Variants in CEP350 observed in about 807,000 individuals in gnomAD.
CEP350 encodes centrosomal protein 350.
Under a neutral mutation model 331.8 loss-of-function variants are expected in CEP350, and 126 were observed. The ratio of observed to expected loss-of-function variants is 0.38; its 90% CI spans 0.33 to 0.44. CEP350 has a LOEUF of 0.44. Among genes scored for constraint, CEP350 ranks in the 20% least tolerant of loss-of-function variants. The pLI, the probability that CEP350 is intolerant of heterozygous loss-of-function variation, is 1.00. For missense variants in CEP350, 3,406 were observed against 3,634.6 expected, an observed-to-expected ratio of 0.94 and a Z score of 1.62; for synonymous variants, 1,200 against 1,259.5, an observed-to-expected ratio of 0.95 and a Z score of 1.00.
At chr1:180,067,916 G>A (rs762721882) in intron 27 of CEP350, among the ~76,000 whole-genome samples, 3 of 152,142 alleles carry the variant, frequency 2.0e-5, no homozygotes, top group Admixed American at 6.5e-5. Context: ...ATAGTCATTC[G>A]CTATGGTAGA....
chr1:180,025,008 T>C (rs945283414), intron 14 of CEP350, among the ~76,000 whole-genome samples: 5 of 151,666 alleles, frequency 3.3e-5, no homozygotes, highest in African/African-American at 1.2e-4. Context: ...CACTGCAAGC[T>C]CCGCCTCCCA....
rs562737517 is a variant in CEP350 at position 180,106,306 on chromosome 1, C to G, written c.9190-4691C>G. Among the ~76,000 whole-genome samples, 12 of 152,304 alleles carry G rather than the reference C, an allele frequency of 7.9e-5. No homozygotes were observed. The East Asian group carries it at 2.1e-3, about 27-fold the overall frequency. On this transcript the variant is annotated intron_variant, in intron 37 of 37. Coordinates refer to ENST00000367607, the MANE Select transcript of CEP350 (RefSeq NM_014810.5). ...GAGTTCCTCCTGTCTCTACGTCTTT[C>G]TCATATTAAGCCTAAGTTGGCTTTC...
intron 37 of CEP350, 97 bp from the exon 38 acceptor site, chr1:180,110,900 G>T: frequency 1.0e-6 from 1 of 993,888 alleles, no homozygotes; most frequent in Non-Finnish European, 1.5e-6. Context: ...ATTTCCTTGG[G>T]CTGTATTCCT....
At chr1:180,101,310 C>T (rs890355453) in intron 37 of CEP350, among the ~76,000 whole-genome samples, 1 of 151,768 alleles carries the variant, frequency 6.6e-6, no homozygotes, top group East Asian at 1.9e-4. Context: ...CAAAATGATA[C>T]TGTCAGCTTC....
intron 4 of CEP350, among the ~76,000 whole-genome samples, chr1:179,991,699 G>GTA (rs1653094285): frequency 7.6e-6 from 1 of 131,968 alleles, no homozygotes; most frequent in African/African-American, 2.8e-5. Flanking sequence ...GTGTGTGTGT[G>GTA]TGTGTGTGTA....
At position 179,996,589 on chromosome 1, in the gene CEP350, C is replaced by G; in HGVS notation, c.432C>G (p.Ser144Arg). ...GTGCACCTTCCAATTTCAGTTCCAG[C>G]CATCTGGAATCAAAGCACGTATACT... ...IHGAPSNFSS[S>R]HLESKHVYCV... is the part of the protein sequence containing the mutation. The change falls in exon 6 of 38, where the codon AGC becomes AGG. Residue 144 changes from serine to arginine, a missense_variant. Ser to Arg is a moderately radical substitution (Grantham distance 110, BLOSUM62 -1). Around this residue, in one of 5 missense-constraint regions of CEP350, gnomAD observed 1,857 missense variants for 1,909.2 expected, o/e 0.97. Coordinates refer to ENST00000367607, the MANE Select transcript of CEP350 (RefSeq NM_014810.5). 6.3e-7 allele frequency: 1 copy of G among 1,582,844 alleles called. No homozygotes were observed. The highest frequency in any genetic ancestry group is 8.6e-7 in the Non-Finnish European group (1 of 1,162,794).
chr1:179,996,091 T>A (rs2501614), intron 5 of CEP350, among the ~76,000 whole-genome samples: 2 of 151,984 alleles, frequency 1.3e-5, no homozygotes, highest in South Asian at 2.1e-4. Context: ...CATATCTTTT[T>A]CATATTTCTT....
intron 25 of CEP350, among the ~76,000 whole-genome samples, chr1:180,060,022 T>G (rs373894059): frequency 6.6e-6 from 1 of 152,156 alleles, no homozygotes; most frequent in African/African-American, 2.4e-5. Context: ...TTTGCAAAAC[T>G]CTAAAATATC....
At chr1:180,085,092 C>CTTCCCCTTCCCCT (rs1553265158) in intron 31 of CEP350, among the ~76,000 whole-genome samples, 1 of 149,586 alleles carries the variant, frequency 6.7e-6, no homozygotes, top group Admixed American at 6.7e-5. Flanking sequence ...TTCTTTCCTC[C>CTTCCCCTTCCCCT]TTCCCCTTCC....
rs1242595060 is a variant in CEP350 at position 180,053,884 on chromosome 1, C to G, written c.5124C>G (p.Ala1708=). ...CACTCCTGCGTCTCCGTGAAAAGGC[C>G]TTGAAGGAGAAGACTAAGGCTGAAT... The part of the protein sequence containing the change: ...QSSLLRLREK[A]LKEKTKAELA... The change falls in exon 24 of 38, where the codon GCC becomes GCG. Residue 1708 remains alanine (A), a synonymous_variant. Transcript: ENST00000367607. The G allele has an allele frequency of 2.5e-6, 4 of 1,610,530 alleles. No individual in the cohort carries two copies. Among genetic ancestry groups the G allele is most frequent in the Non-Finnish European group, 3.4e-6 (4 of 1,177,836 alleles).
chr1:180,112,604 CT>C lies in CEP350; in HGVS notation c.*1444del, dbSNP rs149770357. On this transcript the variant is annotated 3_prime_UTR_variant, in exon 38 of 38. Transcript: ENST00000367607. ...CAAGTAATCTAGAAGAATGTGGATA[CT>C]CTTAGGCGTGAATGTAAATGCCTTA... 4,577 of 152,708 alleles carry C rather than the reference CT, an allele frequency of 0.03. 121 individuals carry two copies. Among genetic ancestry groups the C allele is most frequent in the South Asian group, 0.071 (342 of 4,824 alleles). 9.5% of individuals were successfully genotyped at this position (152,708 alleles called of 1,614,324 possible).
Position 180,020,991 on chromosome 1 carries a change from T to C in CEP350, c.3217T>C (p.Tyr1073His). ...CGTCATTAATATTTTTACAAAATCCTATCAGTTATATGGAAAAGGTGAGAA... is the reference window on the plus strand; with the variant it reads ...CGTCATTAATATTTTTACAAAATCCCATCAGTTATATGGAAAAGGTGAGAA... ...HSVINIFTKS[Y>H]QLYGKGFEDK... The change falls in exon 12 of 38, where the codon TAT becomes CAT. Residue 1073 changes from tyrosine (Y) to histidine (H), a missense_variant. This residue lies in a region of CEP350 where 1,857 missense variants were observed against 1,909.2 expected (regional missense o/e 0.97). Coordinates refer to ENST00000367607, the MANE Select transcript of CEP350 (RefSeq NM_014810.5). 6.5e-7 allele frequency: 1 copy of C among 1,544,704 alleles called. No individual in the cohort carries two copies. The highest frequency in any genetic ancestry group is 8.7e-7 in the Non-Finnish European group (1 of 1,152,548).
chr1:179,990,286 T>C (rs1019302093), intron 3 of CEP350, among the ~76,000 whole-genome samples: 1 of 152,228 alleles, frequency 6.6e-6, no homozygotes, highest in Non-Finnish European at 1.5e-5. Flanking sequence ...TTCAGAATCT[T>C]ACTGATTTTC....
At position 179,982,997 on chromosome 1, in the gene CEP350, G is replaced by A. The variant is rs147251133; in HGVS notation, c.-13-3172G>A. ...GTAGAGACAGAGTTTCACTGTGTTG[G>A]CCAGGATGGTCTTGATCTCTTGACC... On this transcript the variant is annotated intron_variant, in intron 1 of 37. Transcript: ENST00000367607. Among the ~76,000 whole-genome samples the A allele has an allele frequency of 3.7e-3, 565 of 151,902 alleles. 4 individuals carry two copies. Among genetic ancestry groups the A allele is most frequent in the Non-Finnish European group, 4.4e-3 (298 of 67,954 alleles).
At chr1:179,965,615 CTTTTTTTTTTTT>C (rs747027286) in intron 1 of CEP350, among the ~76,000 whole-genome samples, 1 of 84,420 alleles carries the variant, frequency 1.2e-5, no homozygotes, top group South Asian at 4.2e-4. Context: ...TTTTTCTTTT[CTTTTTTTTTTTT>C]TTTTTTTTTT....
intron 37 of CEP350, among the ~76,000 whole-genome samples, chr1:180,105,010 T>G (rs1175175296): frequency 3.3e-5 from 5 of 152,128 alleles, no homozygotes; most frequent in African/African-American, 1.2e-4. Context: ...CAATTTTCCC[T>G]TTACAATAAA....
At chr1:179,989,487 A>AC (rs1652895331) in intron 3 of CEP350, among the ~76,000 whole-genome samples, 1 of 151,494 alleles carries the variant, frequency 6.6e-6, no homozygotes, top group Non-Finnish European at 1.5e-5. Flanking sequence ...TGTCTCAAAA[A>AC]AAAAAAAAAA....
chr1:179,972,210 T>C (rs1651499279), intron 1 of CEP350, among the ~76,000 whole-genome samples: 1 of 152,132 alleles, frequency 6.6e-6, no homozygotes, highest in East Asian at 1.9e-4. Flanking sequence ...TTGGTAGTCA[T>C]TGGCATGTAG....
At chr1:179,987,460 T>C (rs1652716890) in intron 3 of CEP350, among the ~76,000 whole-genome samples, 174 bp downstream of exon 3, 1 of 147,890 alleles carries the variant, frequency 6.8e-6, no homozygotes, top group Non-Finnish European at 1.5e-5. Context: ...ATATATAATA[T>C]ATATACTATA....
Sources: allele counts gnomAD v4.1 joint callset (sites outside exome capture counted in the v4.1 genomes callset), GRCh38; gene constraint gnomAD v4.1.1; regional missense constraint gnomAD v4.1.1; transcripts MANE v1.5; gene names NCBI Gene and HGNC (gene_info 2026-07-23, HGNC 2026-07-21).